Variants in POLR2B observed in about 807,000 individuals in gnomAD.
The protein encoded by POLR2B is DNA-directed RNA polymerase II subunit RPB2.
POLR2B carries 57 observed loss-of-function variants against 144.6 expected under a neutral mutation model. That is an observed-to-expected ratio of 0.39 (90% CI 0.32 to 0.49). The LOEUF (loss-of-function observed/expected upper bound fraction) is 0.49, where lower values mean the gene tolerates loss of function less well. POLR2B is among the 20% of genes least tolerant of loss of function. POLR2B has a pLI of 0.83. For missense variants in POLR2B, 595 were observed against 1,467.4 expected (o/e 0.41, Z 9.71); for synonymous variants, 442 against 469.8 (o/e 0.94, Z 0.77).
At chr4:56,982,430 G>A (rs1722183265) in intron 1 of POLR2B, among the ~76,000 whole-genome samples, 1 of 151,882 alleles carries the variant, frequency 6.6e-6, no homozygotes, top group African/African-American at 2.4e-5. Context: ...AAATTAGCTG[G>A]GCATGGTGGC....
chr4:56,998,206 AT>A (rs1294295195), intron 6 of POLR2B, among the ~76,000 whole-genome samples: 4 of 150,632 alleles, frequency 2.7e-5, no homozygotes, highest in Non-Finnish European at 5.9e-5. Flanking sequence ...TGTTGTAGAC[AT>A]TTTTTTTCTT....
rs753073939 is a variant in POLR2B at position 57,020,921 on chromosome 4, T to C, written c.2346T>C (p.Ile782=). The change falls in exon 17 of 25, where the codon ATT becomes ATC. Residue 782 remains isoleucine, a synonymous_variant. Transcript: ENST00000314595. The part of the protein sequence containing the change: ...LPAGINSIVA[I]ASYTGYNQED... ...CAGGCATCAACTCAATTGTGGCCAT[T>C]GCATCATACACTGGATATAATCAGG... 1 of 1,598,868 alleles carries C rather than the reference T, an allele frequency of 6.3e-7. No individual in the cohort carries two copies. The highest frequency in any genetic ancestry group is 1.3e-5 in the African/African-American group (1 of 74,620).
intron 7 of POLR2B, among the ~76,000 whole-genome samples, chr4:57,000,345 G>T (rs1317769292): frequency 1.3e-5 from 2 of 152,116 alleles, no homozygotes; most frequent in East Asian, 3.9e-4. Context: ...TGGGAAGATC[G>T]CTTGAGCCCA....
intron 17 of POLR2B, 109 bp from the exon 18 acceptor site, chr4:57,022,043 G>A (rs1002799551): frequency 3.8e-5 from 24 of 634,802 alleles, no homozygotes; most frequent in African/African-American, 2.4e-4. Context: ...TCCCAGATTC[G>A]TAGTTTAAAT....
chr4:57,015,474 T>A, intron 13 of POLR2B, 28 bp from the exon 14 acceptor site: 1 of 1,250,270 alleles, frequency 8.0e-7, no homozygotes, highest in Non-Finnish European at 1.1e-6. Context: ...TAAAAATTTG[T>A]GGAACTGTTT....
In POLR2B at chr4:56,979,022, A is replaced by G. The variant is rs2109631402; in HGVS notation, c.19+18A>G. The stretch of plus-strand genomic sequence containing the variant: ...GGATGAGGGTAGGTGAACGCTCAAA[A>G]CACACGCCGTGGCGGTCCATTTAAG... On this transcript the variant is annotated intron_variant, in intron 1 of 24. Transcript: ENST00000314595. 6.2e-7 allele frequency: 1 copy of G among 1,612,496 alleles called. No homozygotes were observed. Among genetic ancestry groups the G allele is most frequent in the Non-Finnish European group, 8.5e-7 (1 of 1,178,896 alleles).
rs759090575 is a variant in POLR2B at position 56,986,357 on chromosome 4, T to C, written c.23T>C (p.Met8Thr). ...TACAATATTTTTGTTTTTACAGATATGCAATATGATGAGGATGATGATGAA... is the reference window on the plus strand; with the variant it reads ...TACAATATTTTTGTTTTTACAGATACGCAATATGATGAGGATGATGATGAA... Reference protein sequence around the residue: MYDADEDMQYDEDDDEIT... With the variant: MYDADEDTQYDEDDDEIT... The change falls in exon 2 of 25, where the codon ATG (methionine) becomes ACG (threonine). Residue 8 changes from methionine (M) to threonine (T), a missense_variant. Met to Thr is a moderately conservative substitution (Grantham distance 81). Coordinates refer to ENST00000314595, the MANE Select transcript of POLR2B (RefSeq NM_000938.3). The C allele has an allele frequency of 2.5e-6, 4 of 1,601,936 alleles. No homozygotes were observed. In the South Asian group the frequency reaches 3.3e-5, roughly 13 times the overall value.
At position 56,999,576 on chromosome 4, in the gene POLR2B, C is replaced by G. The variant is rs371980485; in HGVS notation, c.736-41C>G. ...CTTGGTGTTTTTATATTGCTGTGAG[C>G]TTTTGTATATTCATGTTCTAATGAT... On this transcript the variant is annotated intron_variant, in intron 6 of 24. Coordinates refer to ENST00000314595, the MANE Select transcript of POLR2B (RefSeq NM_000938.3). The G allele has an allele frequency of 8.9e-5, 122 of 1,368,906 alleles. 1 individual carries two copies. The highest frequency in any genetic ancestry group is 1.2e-4 in the Non-Finnish European group (118 of 987,976). The allele number at this position is 1,368,906 out of a possible 1,614,324, so 84.8% of individuals were successfully genotyped here.
At position 57,025,377 on chromosome 4, in the gene POLR2B, G is replaced by A. The variant is rs202174018; in HGVS notation, c.3079G>A (p.Val1027Ile). ...ACTTCAAAATCTGTGTTTGTTGCAGGTCCTGTACAATGGGTTCACTGGTCG... is the reference window on the plus strand; with the variant it reads ...ACTTCAAAATCTGTGTTTGTTGCAGATCCTGTACAATGGGTTCACTGGTCG... ...DYGYHLRGNE[V>I]LYNGFTGRKI... Residue 1027 changes from valine to isoleucine, a missense_variant and splice_region_variant, in exon 23 of 25, where the codon GTC (valine) becomes ATC (isoleucine). Physicochemically the swap from Val to Ile is conservative, Grantham distance 29. This residue lies in a region of POLR2B where 65 missense variants were observed against 282.8 expected (regional missense o/e 0.23). Coordinates refer to ENST00000314595, the MANE Select transcript of POLR2B (RefSeq NM_000938.3). The A allele has an allele frequency of 6.2e-7, 1 of 1,611,340 alleles. No individual in the cohort carries two copies. Among genetic ancestry groups the A allele is most frequent in the South Asian group, 1.1e-5 (1 of 90,996 alleles).
At chr4:56,999,551 CTT>C (rs1014460712) in intron 6 of POLR2B, 64 bp from the exon 7 acceptor site, 15 of 1,019,064 alleles carry the variant, frequency 1.5e-5, no homozygotes, top group Non-Finnish European at 2.2e-5. Flanking sequence ...AAATAGTTCT[CTT>C]GGTGTTTTTA....
chr4:57,011,992 C>G (rs1430653740), intron 13 of POLR2B, among the ~76,000 whole-genome samples: 1 of 152,140 alleles, frequency 6.6e-6, no homozygotes, highest in Non-Finnish European at 1.5e-5. Context: ...GAATAACCAT[C>G]TGGGATTTAT....
chr4:57,015,619 A>G lies in POLR2B; in HGVS notation c.1918A>G (p.Ile640Val). 6 of 1,495,702 alleles carry G rather than the reference A, an allele frequency of 4.0e-6. No individual in the cohort carries two copies. Among genetic ancestry groups the G allele is most frequent in the Non-Finnish European group, 5.4e-6 (6 of 1,110,150 alleles). The allele number at this position is 1,495,702 out of a possible 1,614,324, so 92.7% of individuals were successfully genotyped here. The change falls in exon 14 of 25, where the codon ATT becomes GTT. Residue 640 changes from isoleucine (I) to valine (V), a missense_variant. Ile to Val is a conservative substitution (Grantham distance 29, BLOSUM62 3). Coordinates refer to ENST00000314595, the MANE Select transcript of POLR2B (RefSeq NM_000938.3). ...KQKLLLKKRHIDQLKEREYNN... is the reference protein window; with the variant it reads ...KQKLLLKKRHVDQLKEREYNN... ...AAAGCTACTTTTGAAGAAGAGGCATATTGACCAATTGAAAGAGAGAGAATA... is the reference window on the plus strand; with the variant it reads ...AAAGCTACTTTTGAAGAAGAGGCATGTTGACCAATTGAAAGAGAGAGAATA...
intron 9 of POLR2B, among the ~76,000 whole-genome samples, chr4:57,006,566 A>G (rs1420978519): frequency 1.3e-5 from 2 of 152,084 alleles, no homozygotes; most frequent in Non-Finnish European, 2.9e-5. Context: ...CAGCTTCCCA[A>G]AGTGCTGGGA....
chr4:57,002,775 G>GA (rs1304453613), intron 7 of POLR2B: 1 of 151,834 alleles, frequency 6.6e-6, no homozygotes, highest in African/African-American at 2.4e-5. Flanking sequence ...ACACAAATGA[G>GA]AAGGGTTCCA....
intron 1 of POLR2B, among the ~76,000 whole-genome samples, chr4:56,980,113 A>G (rs1203801425): frequency 2.8e-5 from 4 of 144,430 alleles, no homozygotes; most frequent in African/African-American, 1.0e-4. Flanking sequence ...TTTTTAAGAG[A>G]TGGGGTCTGG....
intron 2 of POLR2B, among the ~76,000 whole-genome samples, chr4:56,989,124 CAG>C (rs763625096): frequency 4.2e-4 from 64 of 152,056 alleles, no homozygotes; most frequent in South Asian, 6.2e-4. Context: ...GTAAAATAAA[CAG>C]AGTAGAGATC....
chr4:56,990,981 TAAAA>T lies in POLR2B; in HGVS notation c.243+87_243+90del, dbSNP rs570409226. 2.9e-4 allele frequency: 348 copies of T among 1,203,678 alleles called. 2 individuals carry two copies. In the African/African-American group the frequency reaches 4.9e-3, roughly 17 times the overall value. The allele number at this position is 1,203,678 out of a possible 1,614,324, so 74.6% of individuals were successfully genotyped here. ...CCCTTCTCTTACCTGGCTTAAAGGTTAAAAAAAGTCAGTTGGAGCTTTTAGCAAA... is the reference window on the plus strand; with the variant it reads ...CCCTTCTCTTACCTGGCTTAAAGGTTAAAGTCAGTTGGAGCTTTTAGCAAA... On this transcript the variant is annotated intron_variant, in intron 3 of 24. Transcript: ENST00000314595.
chr4:56,994,392 G>A lies in POLR2B; in HGVS notation c.244-12G>A. 7.2e-7 allele frequency: 1 copy of A among 1,397,438 alleles called. No individual in the cohort carries two copies. The highest frequency in any genetic ancestry group is 1.0e-6 in the Non-Finnish European group (1 of 999,350). The allele number at this position is 1,397,438 out of a possible 1,614,324, so 86.6% of individuals were successfully genotyped here. A position where few individuals can be genotyped will look rare whatever the true frequency, so the allele number is the denominator to read the frequency against. ...TTATTTACCCTTTTCATGTTTTTTTGTTTAATTTCAGCCACGATATTTGCT... is the reference window on the plus strand; with the variant it reads ...TTATTTACCCTTTTCATGTTTTTTTATTTAATTTCAGCCACGATATTTGCT... On this transcript the variant is annotated splice_polypyrimidine_tract_variant and intron_variant, in intron 3 of 24. Coordinates refer to ENST00000314595, the MANE Select transcript of POLR2B (RefSeq NM_000938.3).
intron 7 of POLR2B, among the ~76,000 whole-genome samples, chr4:57,000,482 C>A (rs1219051624): frequency 6.6e-6 from 1 of 152,000 alleles, no homozygotes; most frequent in African/African-American, 2.4e-5. Flanking sequence ...TGCTCTTCAC[C>A]CAAATTCAAC....
Sources: gnomAD v4.1 joint callset for allele counts (sites outside exome capture counted in the v4.1 genomes callset) on GRCh38, gnomAD v4.1.1 for gene constraint, gnomAD v4.1.1 regional missense constraint, MANE v1.5 for transcripts, NCBI Gene and HGNC (gene_info 2026-07-23, HGNC 2026-07-21) for gene names.